Variants in DGAT1 observed in about 807,000 individuals in gnomAD.
DGAT1 encodes ACAT related gene product 1.
DGAT1 carries 60 observed loss-of-function variants against 72.6 expected under a neutral mutation model. The observed-to-expected ratio is 0.83, with a 90% CI of 0.67 to 1.02. The LOEUF (loss-of-function observed/expected upper bound fraction) is 1.02, where lower values mean the gene tolerates loss of function less well. Ranked by LOEUF, DGAT1 falls within the 50% of genes least tolerant of loss-of-function variation. DGAT1 has a pLI of 0.00. For missense variants in DGAT1, 592 were observed against 670.0 expected, an observed-to-expected ratio of 0.88 and a Z score of 1.29; for synonymous variants, 290 against 267.5, an observed-to-expected ratio of 1.08 and a Z score of -0.82.
At position 144,326,529 on chromosome 8, in the gene DGAT1, C is replaced by T. The variant is rs1306122024; in HGVS notation, c.108G>A (p.Ala36=). Residue 36 remains alanine (A), a synonymous_variant, in exon 1 of 17, where the codon GCG becomes GCA. Coordinates refer to ENST00000528718, the MANE Select transcript of DGAT1 (RefSeq NM_012079.6). ...CCCCCGCGGCTCCCACGTCGGGGCCCGCAGCGGCGTCCCGCACCTCCTCTT... is the reference window on the plus strand; with the variant it reads ...CCCCCGCGGCTCCCACGTCGGGGCCTGCAGCGGCGTCCCGCACCTCCTCTT... The part of the protein sequence containing the change: ...AAEEEVRDAA[A]GPDVGAAGDA... 1.6e-6 allele frequency: 2 copies of T among 1,271,876 alleles called. No homozygotes were observed. The highest frequency in any genetic ancestry group is 1.6e-5 in the African/African-American group (1 of 64,386). 78.8% of individuals were successfully genotyped at this position (1,271,876 alleles called of 1,614,324 possible).
Position 144,314,827 on chromosome 8 carries a change from G to GA in DGAT1, c.*1726dup, listed in dbSNP as rs1243876501. 1.1e-6 allele frequency: 1 copy of GA among 882,438 alleles called. No individual in the cohort carries two copies. The highest frequency in any genetic ancestry group is 1.8e-5 in the African/African-American group (1 of 55,128). The allele number at this position is 882,438 out of a possible 1,614,324, so 54.7% of individuals were successfully genotyped here. A position where few individuals can be genotyped will look rare whatever the true frequency, so the allele number is the denominator to read the frequency against. On this transcript the variant is annotated 3_prime_UTR_variant, in exon 17 of 17. Transcript: ENST00000528718. ...GCCGGGCTGCAGTGGCCTCCTGGGG[G>GA]AAGACGGATGCTTGCAGCTAGCTCC...
rs1554847021 is a variant in DGAT1 at position 144,316,568 on chromosome 8, CTGG to C, written c.1450_1452del (p.Pro484del). Reference sequence around the variant, plus strand: ...TCAGGTGCAGCTCAGGCCTCTGCCGCTGGGGCCTCATAGTTGAGCACGTAGTAG... The same window carrying C: ...TCAGGTGCAGCTCAGGCCTCTGCCGCGGCCTCATAGTTGAGCACGTAGTAG... On this transcript the variant is annotated inframe_deletion, in exon 17 of 17. Transcript: ENST00000528718. 4.3e-5 allele frequency: 69 copies of C among 1,597,948 alleles called. No individual in the cohort carries two copies. Among genetic ancestry groups the C allele is most frequent in the Non-Finnish European group, 5.9e-5 (69 of 1,172,984 alleles).
rs782459119 is a variant in DGAT1, at chr8:144,318,709, C to G, written c.458G>C (p.Arg153Pro). Reference sequence around the variant, plus strand: ...AGGGGCACTGCTTACCACCGCCAGGCGCTTCTCAACCTGGAATGCAGCCAC... The same window carrying G: ...AGGGGCACTGCTTACCACCGCCAGGGGCTTCTCAACCTGGAATGCAGCCAC... ...FAVAAFQVEK[R>P]LAVGALTEQA... Residue 153 changes from arginine to proline, a missense_variant, in exon 5 of 17, where the codon CGC becomes CCC. Coordinates refer to ENST00000528718, the MANE Select transcript of DGAT1 (RefSeq NM_012079.6). The G allele has an allele frequency of 6.2e-7, 1 of 1,608,546 alleles. No individual in the cohort carries two copies. The highest frequency in any genetic ancestry group is 1.1e-5 in the South Asian group (1 of 90,094).
intron 2 of DGAT1, 52 bp from the exon 3 acceptor site, chr8:144,319,120 A>G (rs1554847821): frequency 1.3e-6 from 2 of 1,545,876 alleles, no homozygotes; most frequent in Non-Finnish European, 1.7e-6. Context: ...GCCACAGGGT[A>G]CTCACCCCAG....
At position 144,315,511 on chromosome 8, in the gene DGAT1, C is replaced by T; in HGVS notation, c.*1043G>A. Reference sequence around the variant, plus strand: ...TGGGGACACCAGGGCCTGGTCCAGTCTTGGGGTCTTTAATCAAGCAGTCAC... The same window carrying T: ...TGGGGACACCAGGGCCTGGTCCAGTTTTGGGGTCTTTAATCAAGCAGTCAC... On this transcript the variant is annotated 3_prime_UTR_variant, in exon 17 of 17. Transcript: ENST00000528718. The T allele has an allele frequency of 1.0e-6, 1 of 985,650 alleles. No individual in the cohort carries two copies. The highest frequency in any genetic ancestry group is 1.2e-6 in the Non-Finnish European group (1 of 830,102). The allele number at this position is 985,650 out of a possible 1,614,324, so 61.1% of individuals were successfully genotyped here.
intron 1 of DGAT1, among the ~76,000 whole-genome samples, chr8:144,323,000 G>A (rs1401913499): frequency 1.3e-5 from 2 of 152,212 alleles, no homozygotes; most frequent in Non-Finnish European, 2.9e-5. Flanking sequence ...GACGGGAGCA[G>A]GGGCACGAGG....
rs995065413 is a variant in DGAT1, at chr8:144,316,060, G to A, written c.*494C>T. 3 of 416,594 alleles carry A rather than the reference G, an allele frequency of 7.2e-6. No homozygotes were observed. Among genetic ancestry groups the A allele is most frequent in the Non-Finnish European group, 9.8e-6 (3 of 307,284 alleles). The allele number at this position is 416,594 out of a possible 1,614,324, so 25.8% of individuals were successfully genotyped here. A position where few individuals can be genotyped will look rare whatever the true frequency, so the allele number is the denominator to read the frequency against. On this transcript the variant is annotated 3_prime_UTR_variant, in exon 17 of 17. Coordinates refer to ENST00000528718, the MANE Select transcript of DGAT1 (RefSeq NM_012079.6). ...GCCGATTCCCGCACACCCAGCAGGA[G>A]TAGCACCAGGAGAGGACGCCTGAGC...
chr8:144,318,599 T>C (rs955442102), intron 5 of DGAT1, 33 bp from the exon 6 acceptor site: 13 of 1,607,138 alleles, frequency 8.1e-6, no homozygotes, highest in Middle Eastern at 1.7e-4. Flanking sequence ...CAACCAGGGC[T>C]CCCATTGCCT....
intron 1 of DGAT1, among the ~76,000 whole-genome samples, chr8:144,325,662 C>T (rs1817578130): frequency 6.6e-6 from 1 of 152,178 alleles, no homozygotes; most frequent in Non-Finnish European, 1.5e-5. Flanking sequence ...TCCCATCGGC[C>T]ATGGTTCTCT....
Position 144,318,359 on chromosome 8 carries a change from C to T in DGAT1, c.578G>A (p.Gly193Asp). The change falls in exon 7 of 17, where the codon GGC becomes GAC. Residue 193 changes from glycine to aspartate, a missense_variant. Coordinates refer to ENST00000528718, the MANE Select transcript of DGAT1 (RefSeq NM_012079.6). Reference protein sequence around the residue: ...VLLVESITPVGSLLALMAHTI... With the variant: ...VLLVESITPVDSLLALMAHTI... ...GTGCGCCATCAGCGCCAGCAGGGAGCCCACTGCAGGAGAGGTGGACTCAGG... is the reference window on the plus strand; with the variant it reads ...GTGCGCCATCAGCGCCAGCAGGGAGTCCACTGCAGGAGAGGTGGACTCAGG... The T allele has an allele frequency of 1.2e-6, 2 of 1,610,798 alleles. No individual in the cohort carries two copies. The highest frequency in any genetic ancestry group is 1.3e-5 in the African/African-American group (1 of 75,042).
rs1817185282 is a variant in DGAT1 at position 144,315,768 on chromosome 8, A to AC, written c.*785dup. The AC allele has an allele frequency of 1.1e-6, 1 of 940,790 alleles. No individual in the cohort carries two copies. The allele number at this position is 940,790 out of a possible 1,614,324, so 58.3% of individuals were successfully genotyped here. ...ACCTCGTGGAGGGCAGCTGAGAGCC[A>AC]CCAGCCCACCTGGCTGCCCAGGTTC... On this transcript the variant is annotated 3_prime_UTR_variant, in exon 17 of 17. Coordinates refer to ENST00000528718, the MANE Select transcript of DGAT1 (RefSeq NM_012079.6).
rs1588677808 is a variant in DGAT1 at position 144,315,203 on chromosome 8, G to C, written c.*1351C>G. ...CTCGAGCTCCACTGGCCAACTGATAGGGAGAGGCACAGGAGCCCATGTGGG... is the reference window on the plus strand; with the variant it reads ...CTCGAGCTCCACTGGCCAACTGATACGGAGAGGCACAGGAGCCCATGTGGG... On this transcript the variant is annotated 3_prime_UTR_variant, in exon 17 of 17. Coordinates refer to ENST00000528718, the MANE Select transcript of DGAT1 (RefSeq NM_012079.6). 4.1e-6 allele frequency: 4 copies of C among 985,424 alleles called. No homozygotes were observed. The highest frequency in any genetic ancestry group is 3.5e-5 in the African/African-American group (2 of 57,234). 61.0% of individuals were successfully genotyped at this position (985,424 alleles called of 1,614,324 possible).
rs782480746 is a variant in DGAT1 at position 144,317,046 on chromosome 8, G to A, written c.1224C>T (p.Phe408=). The A allele has an allele frequency of 9.3e-6, 15 of 1,612,444 alleles. No individual in the cohort carries two copies. The African/African-American group carries it at 1.3e-4, about 14-fold the overall frequency. ...SSKWMARTGV[F]LASAFFHEYL... ...CCTCGTGGAAGAAGGCCGAGGCCAG[G>A]AACACCCCTGTCCTGGCCATCCACT... Residue 408 remains phenylalanine, a synonymous_variant, in exon 15 of 17, where the codon TTC becomes TTT. Transcript: ENST00000528718.
In DGAT1 at chr8:144,317,708, A is replaced by G; in HGVS notation, c.899T>C (p.Met300Thr). 1.2e-6 allele frequency: 2 copies of G among 1,613,776 alleles called. No individual in the cohort carries two copies. The highest frequency in any genetic ancestry group is 1.7e-6 in the Non-Finnish European group (2 of 1,179,982). Reference protein sequence around the residue: ...QLQVGLIQQWMVPTIQNSMKP... With the variant: ...QLQVGLIQQWTVPTIQNSMKP... ...CATGGAGTTCTGGATGGTGGGGACC[A>G]TCCACTGCAAAGGAGGGCACCACGT... Residue 300 changes from methionine to threonine, a missense_variant, in exon 11 of 17, where the codon ATG becomes ACG. By Grantham distance (81) the Met-to-Thr change is moderately conservative. Transcript: ENST00000528718.
At chr8:144,321,596 G>A (rs1554848169) in intron 1 of DGAT1, among the ~76,000 whole-genome samples, 188 bp from the exon 2 acceptor site, 1 of 152,196 alleles carries the variant, frequency 6.6e-6, no homozygotes, top group African/African-American at 2.4e-5. Flanking sequence ...AAGCTCTCCG[G>A]ACCCCCAGAG....
rs372168844 is a variant in DGAT1 at position 144,317,871 on chromosome 8, G to A, written c.855+43C>T. Reference sequence around the variant, plus strand: ...CAGCTGAGGCCCTGGCTAGCCAGAAGGCCCCCTAGCCTCCAGTGGCTGCCC... The same window carrying A: ...CAGCTGAGGCCCTGGCTAGCCAGAAAGCCCCCTAGCCTCCAGTGGCTGCCC... On this transcript the variant is annotated intron_variant, in intron 9 of 16. Transcript: ENST00000528718. The A allele has an allele frequency of 9.9e-4, 1,558 of 1,580,988 alleles. 1 individual carries two copies. Among genetic ancestry groups the A allele is most frequent in the Non-Finnish European group, 1.2e-3 (1,357 of 1,162,880 alleles).
chr8:144,321,675 T>G (rs1186026135), intron 1 of DGAT1, among the ~76,000 whole-genome samples: 1 of 152,232 alleles, frequency 6.6e-6, no homozygotes, highest in Non-Finnish European at 1.5e-5. Context: ...CTGCCCGGAC[T>G]GGACCTACAT....
chr8:144,318,951 G>A, intron 3 of DGAT1, 31 bp from the exon 4 acceptor site: 1 of 1,583,898 alleles, frequency 6.3e-7, no homozygotes, highest in Non-Finnish European at 8.6e-7. Flanking sequence ...GTCTGAGTGG[G>A]TGGCAGGTGG....
Position 144,318,446 on chromosome 8 carries a change from G to T in DGAT1, c.574+15C>A. On this transcript the variant is annotated intron_variant, in intron 6 of 16. Transcript: ENST00000528718. ...CTGGCCCGAGACAGATGGGCAGGGT[G>T]GGATGGGGGCGCACCTGGAGTGATA... is the stretch of plus-strand genomic sequence containing the variant. The T allele has an allele frequency of 6.2e-7, 1 of 1,610,170 alleles. No homozygotes were observed. Among genetic ancestry groups the T allele is most frequent in the South Asian group, 1.1e-5 (1 of 90,814 alleles).
Sources: allele counts gnomAD v4.1 joint callset (sites outside exome capture counted in the v4.1 genomes callset), GRCh38; gene constraint gnomAD v4.1.1; transcripts MANE v1.5; gene names NCBI Gene and HGNC (gene_info 2026-07-23, HGNC 2026-07-21).